NCEH1: variants seen among roughly 807,000 people sequenced by gnomAD.
NCEH1 encodes the protein neutral cholesterol ester hydrolase 1, also known as 2-acetyl MAGE hydrolase.
NCEH1 carries 9 observed loss-of-function variants against 25.4 expected under a neutral mutation model. That is an observed-to-expected ratio of 0.35 (90% confidence interval 0.21 to 0.62). NCEH1 has a LOEUF of 0.62. NCEH1 is among the 20% of genes least tolerant of loss of function. The probability of loss-of-function intolerance (pLI) is 0.72; values close to 1 mark genes in which losing one functional copy is unlikely to be tolerated. For synonymous variants in NCEH1, 200 were observed against 199.8 expected, an observed-to-expected ratio of 1.00 and a Z score of -0.01; for missense variants, 412 against 501.1, an observed-to-expected ratio of 0.82 and a Z score of 1.70.
chr3:172,669,773 G>A (rs1305455372), intron 1 of NCEH1, among the ~76,000 whole-genome samples: 2 of 152,166 alleles, frequency 1.3e-5, no homozygotes, highest in Non-Finnish European at 2.9e-5. Context: ...CTGACCTCAC[G>A]TGATCCACCT....
chr3:172,650,966 T>A (rs1717378297), intron 1 of NCEH1, among the ~76,000 whole-genome samples: 1 of 150,218 alleles, frequency 6.7e-6, no homozygotes, highest in South Asian at 2.1e-4. Context: ...TAAATTAGAG[T>A]TATACTAGAG....
intron 1 of NCEH1, among the ~76,000 whole-genome samples, chr3:172,668,348 A>ACT (rs1718320134): frequency 1.3e-5 from 1 of 78,980 alleles, no homozygotes; most frequent in African/African-American, 5.2e-5. Context: ...AAAAGGAAGC[A>ACT]TTTTTTTTTT....
At chr3:172,655,176 T>C (rs1294318532) in intron 1 of NCEH1, among the ~76,000 whole-genome samples, 1 of 152,164 alleles carries the variant, frequency 6.6e-6, no homozygotes, top group Non-Finnish European at 1.5e-5. Context: ...ACACACAGAA[T>C]TGTGTTAAGG....
rs951488943 is a variant in NCEH1 at position 172,633,408 on chromosome 3, T to C, written c.*67A>G. The C allele has an allele frequency of 1.3e-5, 19 of 1,457,654 alleles. No individual in the cohort carries two copies. Among genetic ancestry groups the C allele is most frequent in the Admixed American group, 8.0e-5 (4 of 49,872 alleles). 90.3% of individuals were successfully genotyped at this position (1,457,654 alleles called of 1,614,324 possible). ...GAGGAAGAATTAGTCAACTAAAAAG[T>C]GCATGTCTTTCCAAAGCAGGTGTAG... is the stretch of plus-strand genomic sequence containing the variant. On this transcript the variant is annotated 3_prime_UTR_variant, in exon 5 of 5. Transcript: ENST00000475381.
intron 1 of NCEH1, among the ~76,000 whole-genome samples, chr3:172,698,183 G>T (rs1028665953): frequency 6.6e-6 from 1 of 151,954 alleles, no homozygotes; most frequent in Non-Finnish European, 1.5e-5. Context: ...CACCGTGTTA[G>T]CCAGGCTGGT....
intron 1 of NCEH1, among the ~76,000 whole-genome samples, chr3:172,699,502 T>A (rs777520966): frequency 5.3e-5 from 8 of 152,154 alleles, no homozygotes; most frequent in Admixed American, 2.0e-4. Context: ...TTAGGCCAAA[T>A]GTGTGCAAGT....
Position 172,647,931 on chromosome 3 carries a change from T to C in NCEH1, c.322A>G (p.Ser108Gly). 6.2e-7 allele frequency: 1 copy of C among 1,614,218 alleles called. No individual in the cohort carries two copies. The highest frequency in any genetic ancestry group is 8.5e-7 in the Non-Finnish European group (1 of 1,180,030). Reference protein sequence around the residue: ...PPKPEEPLKRSVVYIHGGGWA... With the variant: ...PPKPEEPLKRGVVYIHGGGWA... ...CCTCCTCCGTGGATATAAACGACGC[T>C]GCGTTTCAGTGGCTCTTCGGGCTTC... The change falls in exon 2 of 5, where the codon AGC becomes GGC. Residue 108 changes from serine to glycine, a missense_variant. By Grantham distance (56) the Ser-to-Gly change is moderately conservative. This residue lies in a region of NCEH1 where 178 missense variants were observed against 189.2 expected (regional missense o/e 0.94). Coordinates refer to ENST00000475381, the MANE Select transcript of NCEH1 (RefSeq NM_020792.6).
intron 1 of NCEH1, among the ~76,000 whole-genome samples, chr3:172,693,168 G>A (rs1006162517): frequency 3.3e-5 from 5 of 152,210 alleles, no homozygotes. Flanking sequence ...ACTCTGCAGT[G>A]TCTGACACAT....
chr3:172,656,117 A>G (rs1426667282), intron 1 of NCEH1, among the ~76,000 whole-genome samples: 1 of 152,200 alleles, frequency 6.6e-6, no homozygotes, highest in Admixed American at 6.5e-5. Context: ...TATGGGGCTG[A>G]AAATCATATT....
At chr3:172,658,839 ACTTT>A (rs58657931) in intron 1 of NCEH1, among the ~76,000 whole-genome samples, 2,572 of 126,994 alleles carry the variant, frequency 0.02, 94 homozygotes, top group African/African-American at 0.075. Context: ...CAATTCCAAA[ACTTT>A]TTTTTTTTTT....
chr3:172,679,083 G>T (rs959952473), intron 1 of NCEH1, among the ~76,000 whole-genome samples: 1 of 152,146 alleles, frequency 6.6e-6, no homozygotes, highest in South Asian at 2.1e-4. Flanking sequence ...CGACTGGCTA[G>T]CAACTTAGAA....
At chr3:172,689,396 C>T (rs974549980) in intron 1 of NCEH1, among the ~76,000 whole-genome samples, 3 of 151,148 alleles carry the variant, frequency 2.0e-5, no homozygotes, top group Non-Finnish European at 2.9e-5. Flanking sequence ...GTAGCTGGGA[C>T]TACAAGCGCC....
In NCEH1 at chr3:172,633,518, C is replaced by G; in HGVS notation, c.1184G>C (p.Arg395Pro). The G allele has an allele frequency of 6.2e-7, 1 of 1,614,004 alleles. No homozygotes were observed. ...SWPTNFSVGI[R>P]TRNSYIKWLD... ...CCACTTGATGTAACTATTCCTAGTC[C>G]GGATTCCCACTGAGAAGTTGGTGGG... The change falls in exon 5 of 5, where the codon CGG (arginine) becomes CCG (proline). Residue 395 changes from arginine (R) to proline (P), a missense_variant. By Grantham distance (103) the Arg-to-Pro change is moderately radical (BLOSUM62 -2). Transcript: ENST00000475381.
At chr3:172,684,675 G>C (rs1237261405) in intron 1 of NCEH1, among the ~76,000 whole-genome samples, 8 of 152,184 alleles carry the variant, frequency 5.3e-5, no homozygotes, top group Non-Finnish European at 4.4e-5. Flanking sequence ...GTTTAGCAGA[G>C]TATCATTAAA....
At chr3:172,701,761 G>A (rs538848123) in intron 1 of NCEH1, among the ~76,000 whole-genome samples, 1 of 152,026 alleles carries the variant, frequency 6.6e-6, no homozygotes, top group Non-Finnish European at 1.5e-5. Context: ...ACCACGCCTG[G>A]CCTACTTTTG....
intron 3 of NCEH1, among the ~76,000 whole-genome samples, chr3:172,637,821 G>A (rs942274812): frequency 2.0e-5 from 3 of 152,116 alleles, no homozygotes. Context: ...CCCAGGAGGC[G>A]GAGGTTGCAG....
Position 172,710,925 on chromosome 3 carries a change from G to A in NCEH1, c.60C>T (p.Tyr20=), listed in dbSNP as rs1714267746. ...CGGACACGGAGCCAGGCAGCGGGATGTAGACGTAATAGGCGGCCAGCGCCA... is the reference window on the plus strand; with the variant it reads ...CGGACACGGAGCCAGGCAGCGGGATATAGACGTAATAGGCGGCCAGCGCCA... ...ALVALAAYYV[Y]IPLPGSVSDP... The change falls in exon 1 of 5, where the codon TAC becomes TAT. Residue 20 remains tyrosine, a synonymous_variant. Transcript: ENST00000475381. 8 of 1,614,020 alleles carry A rather than the reference G, an allele frequency of 5.0e-6. No homozygotes were observed. Among genetic ancestry groups the A allele is most frequent in the Non-Finnish European group, 6.8e-6 (8 of 1,180,000 alleles).
intron 1 of NCEH1, among the ~76,000 whole-genome samples, chr3:172,686,611 A>C (rs750804446): frequency 4.6e-5 from 7 of 152,228 alleles, no homozygotes; most frequent in Non-Finnish European, 8.8e-5. Context: ...AGAGGTTCCA[A>C]GGGACTAGAG....
intron 1 of NCEH1, among the ~76,000 whole-genome samples, chr3:172,671,647 AC>A (rs1711633785): frequency 6.8e-6 from 1 of 147,554 alleles, no homozygotes; most frequent in Non-Finnish European, 1.5e-5. Context: ...ATGTATATAT[AC>A]ATACACACAT....
Sources: allele counts gnomAD v4.1 joint callset (sites outside exome capture counted in the v4.1 genomes callset), GRCh38; gene constraint gnomAD v4.1.1; regional missense constraint gnomAD v4.1.1; transcripts MANE v1.5; gene names NCBI Gene and HGNC (gene_info 2026-07-23, HGNC 2026-07-21).